The following KCNN2 variants were observed in gnomAD, a reference collection of about 807,000 sequenced individuals.
KCNN2 encodes potassium calcium-activated channel subfamily N member 2.
In KCNN2, 24 loss-of-function variants were observed where a neutral mutation model predicts 55.5. The observed-to-expected ratio is 0.43, with a 90% CI of 0.31 to 0.61. The LOEUF (loss-of-function observed/expected upper bound fraction) is 0.61. Ranked by LOEUF, KCNN2 falls within the 20% of genes least tolerant of loss-of-function variation. The pLI, the probability that KCNN2 is intolerant of heterozygous loss-of-function variation, is 0.08. For missense variants in KCNN2, 754 were observed against 853.6 expected, an observed-to-expected ratio of 0.88 and a Z score of 1.45; for synonymous variants, 431 against 336.1, an observed-to-expected ratio of 1.28 and a Z score of -3.09.
At chr5:114,105,221 C>T (rs1751460933) in intron 1 of KCNN2, among the ~76,000 whole-genome samples, 2 of 152,040 alleles carry the variant, frequency 1.3e-5, no homozygotes, top group Admixed American at 6.6e-5. Context: ...GCCTTGCACA[C>T]AGATCATCTT....
intron 1 of KCNN2, among the ~76,000 whole-genome samples, chr5:114,203,394 C>T (rs968007324): frequency 6.6e-6 from 1 of 151,922 alleles, no homozygotes; most frequent in African/African-American, 2.4e-5. Context: ...CTAAATTTCT[C>T]ATTTTACTCA....
At chr5:114,216,656 C>T (rs1050138136) in intron 1 of KCNN2, among the ~76,000 whole-genome samples, 1 of 152,022 alleles carries the variant, frequency 6.6e-6, no homozygotes, top group Non-Finnish European at 1.5e-5. Context: ...AGAATATATA[C>T]GAAAACCCAC....
At chr5:114,109,183 T>C (rs1043897667) in intron 1 of KCNN2, among the ~76,000 whole-genome samples, 2 of 152,040 alleles carry the variant, frequency 1.3e-5, no homozygotes, top group Admixed American at 1.3e-4. Flanking sequence ...TCATGGATTG[T>C]TGGACAGAGG....
rs543049907 is a variant in KCNN2 at position 114,137,083 on chromosome 5, A to G, written c.-271+80583A>G. ...TATCTAAAATATCTAGTATAGTGCAATTAATCAATATTTGAATGAATATTC... is the reference window on the plus strand; with the variant it reads ...TATCTAAAATATCTAGTATAGTGCAGTTAATCAATATTTGAATGAATATTC... On this transcript the variant is annotated intron_variant, in intron 1 of 10. Transcript: ENST00000512097. Among the ~76,000 whole-genome samples, 3 of 152,266 alleles carry G rather than the reference A, an allele frequency of 2.0e-5. No homozygotes were observed. In the South Asian group the frequency reaches 6.2e-4, roughly 32 times the overall value.
chr5:114,378,542 C>T (rs60410279), intron 2 of KCNN2, among the ~76,000 whole-genome samples: 2,340 of 152,210 alleles, frequency 0.015, 54 homozygotes, highest in African/African-American at 0.049. Flanking sequence ...GCCCCTATCT[C>T]GGGCTTCTGT....
intron 1 of KCNN2, among the ~76,000 whole-genome samples, chr5:114,203,095 A>T (rs988497576): frequency 2.6e-5 from 4 of 152,192 alleles, no homozygotes; most frequent in African/African-American, 9.7e-5. Context: ...TGCTAGTGAA[A>T]GATGCTGTGG....
chr5:114,352,864 G>T (rs1352208945), intron 2 of KCNN2, among the ~76,000 whole-genome samples: 1 of 151,850 alleles, frequency 6.6e-6, no homozygotes, highest in Non-Finnish European at 1.5e-5. Context: ...GTGTTCTGCT[G>T]TTGCTGAGGA....
At chr5:114,195,601 A>T (rs776024887) in intron 1 of KCNN2, among the ~76,000 whole-genome samples, 2 of 151,906 alleles carry the variant, frequency 1.3e-5, no homozygotes, top group Non-Finnish European at 2.9e-5. Flanking sequence ...AGGATTTTCT[A>T]TATACAAAAT....
chr5:114,444,320 G>T (rs1165425129), intron 3 of KCNN2, among the ~76,000 whole-genome samples: 1 of 151,994 alleles, frequency 6.6e-6, no homozygotes, highest in East Asian at 1.9e-4. Flanking sequence ...AGGAGGAGGG[G>T]TTAGAGTATT....
At chr5:114,178,956 C>T (rs752679205) in intron 1 of KCNN2, among the ~76,000 whole-genome samples, 3 of 152,144 alleles carry the variant, frequency 2.0e-5, no homozygotes, top group Non-Finnish European at 2.9e-5. Flanking sequence ...TGAATATGGT[C>T]TAGCCCCTGG....
At chr5:114,256,245 A>C (rs1028873231) in intron 2 of KCNN2, among the ~76,000 whole-genome samples, 4 of 152,134 alleles carry the variant, frequency 2.6e-5, no homozygotes, top group Admixed American at 2.0e-4. Flanking sequence ...ATATCTACAC[A>C]TATACATACA....
intron 1 of KCNN2, among the ~76,000 whole-genome samples, chr5:114,130,335 A>G (rs1463271933): frequency 6.6e-6 from 1 of 152,172 alleles, no homozygotes; most frequent in African/African-American, 2.4e-5. Context: ...CCAGTTACTT[A>G]AGCACTAGTA....
chr5:114,411,701 T>G (rs1759140613), intron 3 of KCNN2, among the ~76,000 whole-genome samples: 1 of 152,060 alleles, frequency 6.6e-6, no homozygotes, highest in Non-Finnish European at 1.5e-5. Context: ...ACTCACCTTT[T>G]CTCTACCTTT....
At chr5:114,130,006 T>C (rs1752038336) in intron 1 of KCNN2, among the ~76,000 whole-genome samples, 1 of 152,120 alleles carries the variant, frequency 6.6e-6, no homozygotes, top group Non-Finnish European at 1.5e-5. Context: ...ATTCTGGCAG[T>C]GGGGGAGAGA....
chr5:114,406,622 C>T (rs1279342787), intron 3 of KCNN2, among the ~76,000 whole-genome samples: 1 of 150,988 alleles, frequency 6.6e-6, no homozygotes, highest in African/African-American at 2.4e-5. Context: ...TCTCTAAATT[C>T]TCTCACATTA....
chr5:114,424,078 C>G (rs938605055), intron 3 of KCNN2, among the ~76,000 whole-genome samples: 3 of 152,158 alleles, frequency 2.0e-5, no homozygotes, highest in Non-Finnish European at 4.4e-5. Context: ...CAAATTCTTT[C>G]TTGGTGATGT....
At chr5:114,373,380 T>A (rs1344464165) in intron 2 of KCNN2, among the ~76,000 whole-genome samples, 1 of 151,674 alleles carries the variant, frequency 6.6e-6, no homozygotes, top group Non-Finnish European at 1.5e-5. Context: ...TACTCCCAAT[T>A]GTTTTCATTA....
intron 1 of KCNN2, among the ~76,000 whole-genome samples, chr5:114,147,787 T>C (rs1191890018): frequency 3.3e-5 from 5 of 152,180 alleles, no homozygotes; most frequent in Non-Finnish European, 7.3e-5. Flanking sequence ...GTTTAAATTG[T>C]CAGTATGAAG....
At chr5:114,413,496 C>T (rs1399258237) in intron 3 of KCNN2, among the ~76,000 whole-genome samples, 1 of 152,138 alleles carries the variant, frequency 6.6e-6, no homozygotes, top group Non-Finnish European at 1.5e-5. Flanking sequence ...CCATGTTGGC[C>T]AGGCTGGTCT....
Sources: gnomAD v4.1 joint callset for allele counts (sites outside exome capture counted in the v4.1 genomes callset) on GRCh38, gnomAD v4.1.1 for gene constraint, MANE v1.5 for transcripts, NCBI Gene and HGNC (gene_info 2026-07-23, HGNC 2026-07-21) for gene names.